The following POU2AF2 variants were observed in gnomAD, a reference collection of about 807,000 sequenced individuals.
POU2AF2 encodes the protein POU class 2 homeobox associating factor 2.
the POU2AF2 span, among the ~76,000 whole-genome samples, chr11:111,247,542 C>T: frequency 2.0e-5 from 3 of 152,138 alleles, no homozygotes; most frequent in African/African-American, 4.8e-5. Context: ...AATCCCAGCA[C>T]TTTCGGAGGC....
At chr11:111,280,057 AATATATAT>A in the POU2AF2 span, among the ~76,000 whole-genome samples, 8 of 76,496 alleles carry the variant, frequency 1.0e-4, no homozygotes, top group South Asian at 4.5e-4. Context: ...AAAAAAAAAA[AATATATAT>A]ATATATATAT....
the POU2AF2 span, among the ~76,000 whole-genome samples, chr11:111,255,761 G>C: frequency 6.6e-6 from 1 of 152,126 alleles, no homozygotes; most frequent in Non-Finnish European, 1.5e-5. Flanking sequence ...GTAGATGATG[G>C]AACAGTGTTT....
chr11:111,257,989 A>G, the POU2AF2 span, among the ~76,000 whole-genome samples: 1 of 152,104 alleles, frequency 6.6e-6, no homozygotes, highest in Non-Finnish European at 1.5e-5. Flanking sequence ...GTAGTGGCTC[A>G]TGCCTGTAAT....
the POU2AF2 span, among the ~76,000 whole-genome samples, chr11:111,259,307 T>C: frequency 6.7e-6 from 1 of 148,238 alleles, no homozygotes; most frequent in Non-Finnish European, 1.5e-5. Context: ...AATTCCACAT[T>C]CCTTTTTTTT....
the POU2AF2 span, among the ~76,000 whole-genome samples, chr11:111,264,574 AAGGGAG>A: frequency 0.03 from 732 of 24,520 alleles, 104 homozygotes; most frequent in Non-Finnish European, 0.041. Flanking sequence ...GAAAGAAAGA[AAGGGAG>A]AGAGAAAGAC....
At chr11:111,276,453 A>AAATATAT in the POU2AF2 span, among the ~76,000 whole-genome samples, 822 of 37,052 alleles carry the variant, frequency 0.022, 26 homozygotes, top group Non-Finnish European at 0.033. Flanking sequence ...AAAAAAAAAA[A>AAATATAT]ATATATATAT....
chr11:111,246,364 C>A, the POU2AF2 span, among the ~76,000 whole-genome samples: 1 of 152,128 alleles, frequency 6.6e-6, no homozygotes, highest in African/African-American at 2.4e-5. Flanking sequence ...AGAGTCTGGG[C>A]TGTTATTTCA....
the POU2AF2 span, among the ~76,000 whole-genome samples, chr11:111,260,010 C>T: frequency 7.2e-5 from 11 of 152,212 alleles, no homozygotes; most frequent in Non-Finnish European, 1.5e-4. Flanking sequence ...TCTAGAATAT[C>T]TGTAAATCTC....
the POU2AF2 span, among the ~76,000 whole-genome samples, chr11:111,264,869 GGAAGGAAGGAAGGAAAAGAAAAGA>G: frequency 1.4e-4 from 18 of 130,390 alleles, no homozygotes; most frequent in African/African-American, 3.6e-4. Flanking sequence ...AGAGACAGAA[GGAAGGAAGGAAGGAAAAGAAAAGA>G]GAAGGAAGGA....
chr11:111,281,435 T>C, the POU2AF2 span: 19 of 1,613,722 alleles, frequency 1.2e-5, no homozygotes, highest in African/African-American at 4.0e-5. Context: ...TTTGTGCAGA[T>C]GCCAGGTGAG....
the POU2AF2 span, among the ~76,000 whole-genome samples, chr11:111,268,587 G>A: frequency 6.7e-6 from 1 of 148,566 alleles, no homozygotes. Context: ...AGGCTGAAGT[G>A]CAATGGCATG....
At chr11:111,249,949 A>T in the POU2AF2 span, among the ~76,000 whole-genome samples, 1 of 152,152 alleles carries the variant, frequency 6.6e-6, no homozygotes, top group Non-Finnish European at 1.5e-5. Flanking sequence ...TCCTTGGAGA[A>T]CTTTACTTTC....
chr11:111,276,037 G>A, the POU2AF2 span, among the ~76,000 whole-genome samples: 14 of 152,158 alleles, frequency 9.2e-5, no homozygotes, highest in Non-Finnish European at 1.9e-4. Flanking sequence ...GTTCTAACAT[G>A]TATCTAAACA....
chr11:111,276,453 A>AAAAAAAATAT, the POU2AF2 span, among the ~76,000 whole-genome samples: 14 of 37,654 alleles, frequency 3.7e-4, no homozygotes, highest in East Asian at 1.2e-3. Flanking sequence ...AAAAAAAAAA[A>AAAAAAAATAT]ATATATATAT....
the POU2AF2 span, among the ~76,000 whole-genome samples, chr11:111,269,737 A>G: frequency 0.25 from 37,447 of 151,988 alleles, 5,159 homozygotes; most frequent in South Asian, 0.46. Flanking sequence ...GCATGCCAAG[A>G]TCCAGGGGTA....
At chr11:111,286,128 C>G in the POU2AF2 span, 3 of 1,534,758 alleles carry the variant, frequency 2.0e-6, no homozygotes, top group South Asian at 3.7e-5. Flanking sequence ...GGTGTGTCAG[C>G]CCATTCAGGA....
the POU2AF2 span, among the ~76,000 whole-genome samples, chr11:111,264,420 C>T: frequency 2.9e-4 from 44 of 151,362 alleles, no homozygotes; most frequent in African/African-American, 1.0e-3. Context: ...CGCTTGAACC[C>T]GGGAGGCGGA....
At chr11:111,267,158 G>A in the POU2AF2 span, among the ~76,000 whole-genome samples, 1 of 152,174 alleles carries the variant, frequency 6.6e-6, no homozygotes, top group Non-Finnish European at 1.5e-5. Flanking sequence ...GAAGACACTG[G>A]ACCCAAGAAG....
At chr11:111,286,025 G>A in the POU2AF2 span, 1 of 1,613,598 alleles carries the variant, frequency 6.2e-7, no homozygotes, top group South Asian at 1.1e-5. Flanking sequence ...TATTGCCTGG[G>A]GGTCATATGA....
Sources: allele counts gnomAD v4.1 joint callset (sites outside exome capture counted in the v4.1 genomes callset), GRCh38; gene constraint gnomAD v4.1.1; transcripts MANE v1.5; gene names NCBI Gene and HGNC (gene_info 2026-07-23, HGNC 2026-07-21).